The following DRC5 variants were observed in gnomAD, a reference collection of about 807,000 sequenced individuals.
DRC5 encodes the protein dynein regulatory complex subunit 5, also known as T-complex-associated testis-expressed protein 1.
At chr6:44,286,562 G>T in the DRC5 span, 1 of 1,579,434 alleles carries the variant, frequency 6.3e-7, no homozygotes. Flanking sequence ...AGCGCAGGGG[G>T]TCACAGTGTT....
chr6:44,296,395 T>A, the DRC5 span, among the ~76,000 whole-genome samples: 3 of 152,354 alleles, frequency 2.0e-5, no homozygotes, highest in African/African-American at 7.2e-5. Context: ...CTGCATCCTT[T>A]GGAGGGTGCA....
the DRC5 span, among the ~76,000 whole-genome samples, chr6:44,293,680 C>A: frequency 2.0e-5 from 3 of 152,154 alleles, no homozygotes; most frequent in African/African-American, 7.2e-5. Flanking sequence ...ACTGTTCCTG[C>A]CCTCCACTAG....
chr6:44,282,348 G>T, the DRC5 span: 1 of 1,614,240 alleles, frequency 6.2e-7, no homozygotes, highest in Non-Finnish European at 8.5e-7. Flanking sequence ...GTGAGCCAGG[G>T]ACTGGGCACC....
the DRC5 span, among the ~76,000 whole-genome samples, chr6:44,293,789 C>A: frequency 3.3e-5 from 5 of 152,198 alleles, no homozygotes; most frequent in Non-Finnish European, 7.3e-5. Context: ...GGGAATTTCA[C>A]GGCCCTAATG....
chr6:44,296,720 T>C, the DRC5 span, among the ~76,000 whole-genome samples: 5 of 149,320 alleles, frequency 3.3e-5, no homozygotes, highest in Admixed American at 3.4e-4. Flanking sequence ...AGGAGCTGGC[T>C]TTGCACCCAC....
the DRC5 span, chr6:44,286,319 A>AG: frequency 6.2e-7 from 1 of 1,613,484 alleles, no homozygotes; most frequent in Non-Finnish European, 8.5e-7. Flanking sequence ...AAAGTGCTTT[A>AG]GCAGGTTCTC....
the DRC5 span, among the ~76,000 whole-genome samples, chr6:44,296,546 C>T: frequency 6.6e-6 from 1 of 152,226 alleles, no homozygotes; most frequent in Admixed American, 6.5e-5. Context: ...TTCCACCTGC[C>T]CTAATGGGAA....
the DRC5 span, among the ~76,000 whole-genome samples, chr6:44,291,122 C>A: frequency 4.6e-5 from 7 of 152,234 alleles, no homozygotes; most frequent in Admixed American, 1.3e-4. Context: ...GTGTGCATGG[C>A]TGGTATAAAA....
the DRC5 span, among the ~76,000 whole-genome samples, chr6:44,297,209 G>C: frequency 6.6e-6 from 1 of 152,226 alleles, no homozygotes; most frequent in Non-Finnish European, 1.5e-5. Flanking sequence ...CAGTGCAGTG[G>C]GAGGTAGGGA....
At chr6:44,287,818 T>G in the DRC5 span, 1 of 1,612,672 alleles carries the variant, frequency 6.2e-7, no homozygotes, top group Middle Eastern at 1.7e-4. Context: ...CGTTACGGTA[T>G]CCTGCATGCT....
chr6:44,287,597 G>A, the DRC5 span: 1 of 1,614,110 alleles, frequency 6.2e-7, no homozygotes, highest in African/African-American at 1.3e-5. Context: ...GTGAGGAGGG[G>A]CACGATGGCC....
the DRC5 span, among the ~76,000 whole-genome samples, chr6:44,288,504 T>C: frequency 6.6e-6 from 1 of 152,066 alleles, no homozygotes; most frequent in African/African-American, 2.4e-5. Flanking sequence ...GGGGTGTATA[T>C]TGCCAAAAGA....
the DRC5 span, among the ~76,000 whole-genome samples, chr6:44,291,936 T>C: frequency 1.3e-5 from 2 of 148,300 alleles, no homozygotes; most frequent in Admixed American, 1.4e-4. Flanking sequence ...TAGTTACTGA[T>C]TCAGTTTTGT....
At chr6:44,290,361 G>C in the DRC5 span, among the ~76,000 whole-genome samples, 3 of 152,158 alleles carry the variant, frequency 2.0e-5, no homozygotes, top group African/African-American at 7.2e-5. Flanking sequence ...ATAATGGTCG[G>C]TTAATATTGA....
chr6:44,294,530 A>C, the DRC5 span, among the ~76,000 whole-genome samples: 3,102 of 151,802 alleles, frequency 0.02, 51 homozygotes, highest in Non-Finnish European at 0.032. Context: ...GGATTACCTG[A>C]GGTCAAGAGT....
chr6:44,283,671 CA>C, the DRC5 span, among the ~76,000 whole-genome samples: 1 of 152,228 alleles, frequency 6.6e-6, no homozygotes, highest in Non-Finnish European at 1.5e-5. Flanking sequence ...TGCCTGTGCG[CA>C]AGCAACTGAC....
the DRC5 span, among the ~76,000 whole-genome samples, chr6:44,289,068 G>A: frequency 5.2e-4 from 23 of 44,560 alleles, no homozygotes; most frequent in Non-Finnish European, 8.3e-4. Context: ...TTTTTGTCTT[G>A]CTCTTGTTGC....
At chr6:44,286,892 G>C in the DRC5 span, among the ~76,000 whole-genome samples, 1 of 152,146 alleles carries the variant, frequency 6.6e-6, no homozygotes, top group Non-Finnish European at 1.5e-5. Flanking sequence ...GAAATTTTTT[G>C]AGCACCTACT....
chr6:44,282,627 T>C, the DRC5 span: 63 of 1,433,564 alleles, frequency 4.4e-5, 1 homozygote, highest in Admixed American at 5.1e-4. Flanking sequence ...CCTAGATCTT[T>C]GGCAAACTTG....
Sources: gnomAD v4.1 joint callset for allele counts (sites outside exome capture counted in the v4.1 genomes callset) on GRCh38, gnomAD v4.1.1 for gene constraint, MANE v1.5 for transcripts, NCBI Gene and HGNC (gene_info 2026-07-23, HGNC 2026-07-21) for gene names.